CDC23: variants seen among roughly 807,000 people sequenced by gnomAD.
CDC23 encodes cell division cycle protein 23 homolog.
In CDC23, 26 loss-of-function variants were observed where a neutral mutation model predicts 81.7. That is an observed-to-expected ratio of 0.32 (90% confidence interval 0.23 to 0.44). CDC23 has a LOEUF of 0.44. CDC23 is among the 20% of genes least tolerant of loss of function. The probability of loss-of-function intolerance (pLI) is 1.00; values close to 1 mark genes in which losing one functional copy is unlikely to be tolerated. For missense variants in CDC23, 519 were observed against 728.0 expected (o/e 0.71, Z 3.30); for synonymous variants, 267 against 270.8 (o/e 0.99, Z 0.14).
intron 9 of CDC23, among the ~76,000 whole-genome samples, chr5:138,195,590 AATAT>A (rs1457895913): frequency 1.7e-5 from 1 of 58,578 alleles, no homozygotes; most frequent in African/African-American, 4.4e-5. Context: ...TATTATATAT[AATAT>A]ATATTATATA....
At chr5:138,195,901 G>A (rs534129291) in intron 9 of CDC23, among the ~76,000 whole-genome samples, 1 of 146,898 alleles carries the variant, frequency 6.8e-6, no homozygotes, top group South Asian at 2.1e-4. Flanking sequence ...ACAGAAGGGA[G>A]CAAGTCACAT....
At position 138,198,247 on chromosome 5, in the gene CDC23, T is replaced by C. The variant is rs1754941135; in HGVS notation, c.964A>G (p.Asn322Asp). The change falls in exon 9 of 16, where the codon AAC becomes GAC. Residue 322 changes from asparagine (N) to aspartate (D), a missense_variant. Asn to Asp is a conservative substitution (Grantham distance 23). Around this residue, in one of 4 missense-constraint regions of CDC23, gnomAD observed 175 missense variants for 337.8 expected, o/e 0.52. Transcript: ENST00000394886. ...MKSELSYLAH[N>D]LCEIDKYRVE... The stretch of plus-strand genomic sequence containing the variant: ...CGATATTTATCAATCTCACAGAGGT[T>C]ATGAGCCAGATAACTCAACTCCGAT... 6.2e-7 allele frequency: 1 copy of C among 1,613,860 alleles called. No individual in the cohort carries two copies.
chr5:138,189,258 G>T, intron 15 of CDC23, 110 bp from the exon 16 acceptor site: 2 of 1,052,680 alleles, frequency 1.9e-6, no homozygotes, highest in Non-Finnish European at 2.8e-6. Flanking sequence ...CGGGAGGCTT[G>T]CTTGTTTTTT....
rs1018164429 is a variant in CDC23, at chr5:138,197,542, G to T, written c.1012+657C>A. Among the ~76,000 whole-genome samples, 18 of 149,084 alleles carry T rather than the reference G, an allele frequency of 1.2e-4. 2 individuals are homozygous for T. Among genetic ancestry groups the T allele is most frequent in the African/African-American group, 4.6e-4 (18 of 39,504 alleles). ...GACGGAGTCTCACTCTATCGCCCAGGCTGGAGTGTAGTGGCACGATCTTGG... is the reference window on the plus strand; with the variant it reads ...GACGGAGTCTCACTCTATCGCCCAGTCTGGAGTGTAGTGGCACGATCTTGG... On this transcript the variant is annotated intron_variant, in intron 9 of 15. Transcript: ENST00000394886.
chr5:138,211,588 G>A (rs1205532200), intron 2 of CDC23, among the ~76,000 whole-genome samples: 4 of 151,922 alleles, frequency 2.6e-5, no homozygotes, highest in African/African-American at 7.3e-5. Context: ...GCTTGAACCC[G>A]GGAGGCAGAG....
chr5:138,209,907 A>T (rs1361211787), intron 2 of CDC23, among the ~76,000 whole-genome samples: 1 of 151,972 alleles, frequency 6.6e-6, no homozygotes, highest in African/African-American at 2.4e-5. Flanking sequence ...CATTTTAATA[A>T]CTTTAAATAT....
intron 3 of CDC23, among the ~76,000 whole-genome samples, chr5:138,203,265 G>C (rs1427050787): frequency 6.6e-6 from 1 of 152,208 alleles, no homozygotes; most frequent in Non-Finnish European, 1.5e-5. Flanking sequence ...GACTTTTGTT[G>C]ATATGTGTCA....
At chr5:138,203,958 C>T (rs1368662431) in intron 3 of CDC23, among the ~76,000 whole-genome samples, 1 of 151,936 alleles carries the variant, frequency 6.6e-6, no homozygotes, top group Admixed American at 6.6e-5. Context: ...AATATAGTAT[C>T]AAATGCCATA....
rs151304989 is a variant in CDC23, at chr5:138,212,148, C to T, written c.234+843G>A. Among the ~76,000 whole-genome samples, 173 of 152,220 alleles carry T rather than the reference C, an allele frequency of 1.1e-3. 2 individuals carry two copies. The highest frequency in any genetic ancestry group is 3.4e-3 in the Middle Eastern group (1 of 294). ...TTATCTCATTGACTTCTCTCAATAT[C>T]CCCATTGAGTAGATACTATTACTAT... On this transcript the variant is annotated intron_variant, in intron 2 of 15. Transcript: ENST00000394886.
At chr5:138,194,248 G>C (rs17228484) in intron 9 of CDC23, among the ~76,000 whole-genome samples, 1,804 of 152,196 alleles carry the variant, frequency 0.012, 36 homozygotes, top group African/African-American at 0.042. Flanking sequence ...TCAGGAGTTC[G>C]AGACCAGCAT....
chr5:138,201,322 C>A (rs765136407), intron 5 of CDC23, 21 bp downstream of exon 5: 1 of 1,611,618 alleles, frequency 6.2e-7, no homozygotes, highest in Non-Finnish European at 8.5e-7. Flanking sequence ...ACAGAAAGTT[C>A]CAAATTACTG....
intron 3 of CDC23, among the ~76,000 whole-genome samples, chr5:138,204,731 T>C (rs1321097047): frequency 6.6e-6 from 1 of 151,292 alleles, no homozygotes; most frequent in Non-Finnish European, 1.5e-5. Flanking sequence ...GCCATTCTCC[T>C]GCCTCAGCCT....
chr5:138,198,537 A>G lies in CDC23; in HGVS notation c.833-14T>C, dbSNP rs1754944816. On this transcript the variant is annotated splice_polypyrimidine_tract_variant and intron_variant, in intron 7 of 15. Coordinates refer to ENST00000394886, the MANE Select transcript of CDC23 (RefSeq NM_004661.4). The stretch of plus-strand genomic sequence containing the variant: ...CTTTGTCAATATCTGCAGAAAGAAG[A>G]TAGTTCAGAAAACAGCACAATGCAC... 1 of 1,613,570 alleles carries G rather than the reference A, an allele frequency of 6.2e-7. No individual in the cohort carries two copies. Among genetic ancestry groups the G allele is most frequent in the Non-Finnish European group, 8.5e-7 (1 of 1,179,466 alleles).
rs141371716 is a variant in CDC23 at position 138,206,756 on chromosome 5, C to T, written c.235-72G>A. 1.1e-3 allele frequency: 1,599 copies of T among 1,423,090 alleles called. 10 individuals carry two copies. In the African/African-American group the frequency reaches 0.02, roughly 18 times the overall value. 88.2% of individuals were successfully genotyped at this position (1,423,090 alleles called of 1,614,324 possible). A position where few individuals can be genotyped will look rare whatever the true frequency, so the allele number is the denominator to read the frequency against. On this transcript the variant is annotated intron_variant, in intron 2 of 15. Coordinates refer to ENST00000394886, the MANE Select transcript of CDC23 (RefSeq NM_004661.4). ...AAACTTCAAATCTAAAAAGTATATT[C>T]GTTAATTTCAAGATGTAAAAGAAAA...
rs1754985994 is a variant in CDC23 at position 138,201,242 on chromosome 5, G to GTTT, written c.522-4_522-3insAAA. On this transcript the variant is annotated splice_region_variant and splice_polypyrimidine_tract_variant and intron_variant, in intron 5 of 15. Transcript: ENST00000394886. ...GTTTTCGAAGCACCACACCATACCT[G>GTTT]GGAAAAAAAAGAAACAATCACAGAA... 6.2e-7 allele frequency: 1 copy of GTTT among 1,611,786 alleles called. No individual in the cohort carries two copies. Among genetic ancestry groups the GTTT allele is most frequent in the African/African-American group, 1.3e-5 (1 of 74,624 alleles).
At chr5:138,204,497 T>C (rs1040173355) in intron 3 of CDC23, among the ~76,000 whole-genome samples, 1 of 128,198 alleles carries the variant, frequency 7.8e-6, no homozygotes, top group Non-Finnish European at 1.7e-5. Context: ...AGAGAAAGAC[T>C]CCATTTCAAA....
chr5:138,204,868 A>G (rs1755030783), intron 3 of CDC23, among the ~76,000 whole-genome samples: 1 of 150,434 alleles, frequency 6.6e-6, no homozygotes, highest in Admixed American at 6.6e-5. Context: ...CTGCCTCCCA[A>G]AGTGCTGGGA....
intron 9 of CDC23, among the ~76,000 whole-genome samples, chr5:138,194,224 A>C (rs1754858773): frequency 6.6e-6 from 1 of 152,114 alleles, no homozygotes; most frequent in African/African-American, 2.4e-5. Flanking sequence ...CTGAGGTGGG[A>C]GGATCACTTA....
At chr5:138,199,514 T>C (rs183433884) in intron 6 of CDC23, among the ~76,000 whole-genome samples, 4 of 152,232 alleles carry the variant, frequency 2.6e-5, no homozygotes, top group South Asian at 2.1e-4. Context: ...GAACCCTAGA[T>C]AGAAAGTACC....
Sources: gnomAD v4.1 joint callset for allele counts (sites outside exome capture counted in the v4.1 genomes callset) on GRCh38, gnomAD v4.1.1 for gene constraint, gnomAD v4.1.1 regional missense constraint, MANE v1.5 for transcripts, NCBI Gene and HGNC (gene_info 2026-07-23, HGNC 2026-07-21) for gene names.